The following DUOX2 variants were observed in gnomAD, a reference collection of about 807,000 sequenced individuals.
DUOX2 encodes NADH/NADPH thyroid oxidase p138-tox.
DUOX2 carries 185 observed loss-of-function variants against 183.3 expected under a neutral mutation model. The ratio of observed to expected loss-of-function variants is 1.01; its 90% confidence interval spans 0.90 to 1.14. The LOEUF (loss-of-function observed/expected upper bound fraction) is 1.14. Ranked by LOEUF, DUOX2 falls within the 50% of genes most tolerant of loss-of-function variation. The pLI, the probability that DUOX2 is intolerant of heterozygous loss-of-function variation, is 0.00. For missense variants in DUOX2, 1,999 were observed against 2,022.9 expected (o/e 0.99, Z 0.23); for synonymous variants, 788 against 812.4 (o/e 0.97, Z 0.51).
chr15:45,104,404 A>G (rs774552038), intron 18 of DUOX2, 39 bp from the exon 19 acceptor site: 4 of 1,601,692 alleles, frequency 2.5e-6, no homozygotes, highest in Non-Finnish European at 1.7e-6. Context: ...AAAGAGAAGG[A>G]GGTGAAGCCT....
Position 45,108,789 on chromosome 15 carries a change from C to T in DUOX2, c.1398G>A (p.Gln466=), listed in dbSNP as rs748208532. 2 of 1,614,080 alleles carry T rather than the reference C, an allele frequency of 1.2e-6. No individual in the cohort carries two copies. The highest frequency in any genetic ancestry group is 2.7e-5 in the African/African-American group (2 of 74,926). ...CATTATTATCATTACTATTCCTGAC[C>T]TGGGGGTCCACATTAGGGTTGAGAT... ...WSDLNPNVDP[Q]VLEATAALYN... Residue 466 remains glutamine (Q), a splice_region_variant and synonymous_variant, in exon 12 of 34, where the codon CAG becomes CAA. Transcript: ENST00000389039.
At position 45,101,940 on chromosome 15, in the gene DUOX2, C is replaced by G. The variant is rs138926644; in HGVS notation, c.2704G>C (p.Glu902Gln). The G allele has an allele frequency of 6.2e-7, 1 of 1,614,212 alleles. No individual in the cohort carries two copies. The highest frequency in any genetic ancestry group is 8.5e-7 in the Non-Finnish European group (1 of 1,180,040). The part of the protein sequence containing the change: ...NNCLSKAQLA[E>Q]VVESMFRESG... ...TCCCGGAACATAGACTCCACCACCT[C>G]GGCCAGCTGGGCCTTGGACAGGCAG... is the stretch of plus-strand genomic sequence containing the variant. Residue 902 changes from glutamate (E) to glutamine (Q), a missense_variant, in exon 21 of 34, where the codon GAG becomes CAG. By Grantham distance (29) the Glu-to-Gln change is conservative. This residue lies in a region of DUOX2 where 1,628 missense variants were observed against 1,608.6 expected (regional missense o/e 1.01). Transcript: ENST00000389039.
intron 24 of DUOX2, 44 bp downstream of exon 24, chr15:45,100,006 C>A: frequency 6.2e-7 from 1 of 1,613,924 alleles, no homozygotes; most frequent in South Asian, 1.1e-5. Context: ...CTCCAAGGGT[C>A]AGAGCCTGCT....
intron 13 of DUOX2, among the ~76,000 whole-genome samples, 197 bp downstream of exon 13, chr15:45,107,850 C>CAAAAAAAAA (rs36025213): frequency 8.2e-5 from 4 of 48,844 alleles, no homozygotes; most frequent in African/African-American, 1.6e-4. Flanking sequence ...GACTCTGCCT[C>CAAAAAAAAA]AAAAAAAAAA....
intron 20 of DUOX2, among the ~76,000 whole-genome samples, chr15:45,103,607 A>G (rs1245722562): frequency 1.3e-5 from 2 of 152,208 alleles, no homozygotes; most frequent in Non-Finnish European, 2.9e-5. Context: ...CACTGGGTAG[A>G]GCACGGTGTT....
rs762652567 is a variant in DUOX2, at chr15:45,111,918, C to T, written c.363G>A (p.Thr121=). ...HVLSDVVSVE[T]PGCPAEFLNI... is the part of the protein sequence containing the mutation. ...TGAGGAACTCGGCGGGGCAACCGGG[C>T]GTTTCCACGCTCACCACGTCGGAAA... The change falls in exon 5 of 34, where the codon ACG becomes ACA. Residue 121 remains threonine (T), a synonymous_variant. Transcript: ENST00000389039. 1 of 1,613,716 alleles carries T rather than the reference C, an allele frequency of 6.2e-7. No individual in the cohort carries two copies.
At position 45,092,822 on chromosome 15, in the gene DUOX2, A is replaced by C. The variant is rs1893797896; in HGVS notation, c.*1328T>G. On this transcript the variant is annotated 3_prime_UTR_variant, in exon 34 of 34. Coordinates refer to ENST00000389039, the MANE Select transcript of DUOX2 (RefSeq NM_001363711.2). ...ACACACAACAGCATGGATGAATTAC[A>C]AAGGCATTATGGTGAGTAAAAGAGG... 1 of 152,266 alleles carries C rather than the reference A, an allele frequency of 6.6e-6. No homozygotes were observed. The highest frequency in any genetic ancestry group is 1.5e-5 in the Non-Finnish European group (1 of 68,052). The allele number at this position is 152,266 out of a possible 1,614,324, so 9.4% of individuals were successfully genotyped here. A position where few individuals can be genotyped will look rare whatever the true frequency, so the allele number is the denominator to read the frequency against.
Position 45,111,480 on chromosome 15 carries a change from G to A in DUOX2, c.619C>T (p.Pro207Ser), listed in dbSNP as rs1307171670. Residue 207 changes from proline to serine, a missense_variant, in exon 6 of 34, where the codon CCC becomes TCC. Around this residue, in one of 3 missense-constraint regions of DUOX2, gnomAD observed 356 missense variants for 356.4 expected, o/e 1.00. Coordinates refer to ENST00000389039, the MANE Select transcript of DUOX2 (RefSeq NM_001363711.2). ...GAGTCTCGGGGGAAAGCGGGGTCGG[G>A]CCCCGACGCCAGCTGTCCCCCCGAG... is the stretch of plus-strand genomic sequence containing the variant. Reference protein sequence around the residue: ...SFSGGQLASGPDPAFPRDSQN... With the variant: ...SFSGGQLASGSDPAFPRDSQN... 3.9e-6 allele frequency: 6 copies of A among 1,550,464 alleles called. No individual in the cohort carries two copies. The highest frequency in any genetic ancestry group is 3.9e-5 in the Admixed American group (2 of 51,294).
chr15:45,098,146 C>G, intron 26 of DUOX2, 88 bp from the exon 27 acceptor site: 4 of 1,310,734 alleles, frequency 3.1e-6, no homozygotes, highest in Non-Finnish European at 4.4e-6. Flanking sequence ...TTCCTGCTGG[C>G]CCTGACTGCT....
chr15:45,109,540 C>T lies in DUOX2; in HGVS notation c.1218G>A (p.Val406=), dbSNP rs1566977204. ...TGAGCTCACCCCTCAGATCTTCAAC[C>T]ACTATGTTGTCCTCCAACTCCGAAA... The part of the protein sequence containing the change: ...SQISELEDNI[V]VEDLRDYWPG... Residue 406 remains valine, a synonymous_variant, in exon 11 of 34, where the codon GTG becomes GTA. Coordinates refer to ENST00000389039, the MANE Select transcript of DUOX2 (RefSeq NM_001363711.2). The T allele has an allele frequency of 6.2e-7, 1 of 1,614,112 alleles. No homozygotes were observed. Among genetic ancestry groups the T allele is most frequent in the Non-Finnish European group, 8.5e-7 (1 of 1,180,028 alleles).
Position 45,111,445 on chromosome 15 carries a change from G to C in DUOX2, c.654C>G (p.Pro218=). Residue 218 remains proline, a synonymous_variant, in exon 6 of 34, where the codon CCC becomes CCG. Coordinates refer to ENST00000389039, the MANE Select transcript of DUOX2 (RefSeq NM_001363711.2). ...DPAFPRDSQN[P]LLMWAAPDPA... ...GGTCGGGCGCCGCCCACATGAGCAG[G>C]GGGTTCTGCGAGTCTCGGGGGAAAG... is the stretch of plus-strand genomic sequence containing the variant. 1 of 1,544,096 alleles carries C rather than the reference G, an allele frequency of 6.5e-7. No homozygotes were observed. The highest frequency in any genetic ancestry group is 8.7e-7 in the Non-Finnish European group (1 of 1,147,276).
intron 18 of DUOX2, among the ~76,000 whole-genome samples, chr15:45,105,406 G>A (rs1295356819): frequency 2.0e-5 from 3 of 152,188 alleles, no homozygotes; most frequent in African/African-American, 7.2e-5. Context: ...GCAATGGGAT[G>A]GATACAGTTT....
In DUOX2 at chr15:45,097,227, G is replaced by A. The variant is rs1595519772; in HGVS notation, c.3847+11C>T. Reference sequence around the variant, plus strand: ...TGTCGCTCCCGACCCAGGTCAGGCTGGGCCTGATACCTGAGGGCAGCAGCT... The same window carrying A: ...TGTCGCTCCCGACCCAGGTCAGGCTAGGCCTGATACCTGAGGGCAGCAGCT... On this transcript the variant is annotated intron_variant, in intron 29 of 33. Coordinates refer to ENST00000389039, the MANE Select transcript of DUOX2 (RefSeq NM_001363711.2). 2 of 1,614,118 alleles carry A rather than the reference G, an allele frequency of 1.2e-6. No individual in the cohort carries two copies. The highest frequency in any genetic ancestry group is 4.5e-5 in the East Asian group (2 of 44,884).
intron 1 of DUOX2, 50 bp from the exon 2 acceptor site, chr15:45,113,475 G>A: frequency 6.9e-7 from 1 of 1,451,080 alleles, no homozygotes; most frequent in Admixed American, 2.0e-5. Flanking sequence ...GCCACTGTTA[G>A]GGCGTCCTCT....
rs752691452 is a variant in DUOX2, at chr15:45,112,000, GC to G, written c.326-46del. On this transcript the variant is annotated intron_variant, in intron 4 of 33. Transcript: ENST00000389039. ...ATACGTGACAAACCGTCCGTATTGC[GC>G]CCTCCCCACGGCCAGGGCGGCCTCC... The G allele has an allele frequency of 5.4e-5, 86 of 1,602,274 alleles. 1 individual carries two copies. In the South Asian group the frequency reaches 7.0e-4, roughly 13 times the overall value.
intron 9 of DUOX2, 98 bp from the exon 10 acceptor site, chr15:45,110,078 G>C (rs1221311280): frequency 5.2e-5 from 57 of 1,105,412 alleles, no homozygotes; most frequent in Non-Finnish European, 6.9e-5. Context: ...CACTAGGATT[G>C]AGCAGTGGCC....
At chr15:45,106,473 T>C in intron 16 of DUOX2, 55 bp downstream of exon 16, 1 of 1,600,938 alleles carries the variant, frequency 6.2e-7, no homozygotes, top group Non-Finnish European at 8.6e-7. Flanking sequence ...TCTCCCAGAC[T>C]CCTGTCTCTC....
rs778729877 is a variant in DUOX2 at position 45,109,894 on chromosome 15, C to T, written c.1127G>A (p.Arg376Gln). The part of the protein sequence containing the change: ...ALRVCNNYWI[R>Q]ENPNLNSTQE... ...TGACCCTGACCCCAGTCTGACCTCCCGAATCCAGTAGTTGTTGCAGACCCT... is the reference window on the plus strand; with the variant it reads ...TGACCCTGACCCCAGTCTGACCTCCTGAATCCAGTAGTTGTTGCAGACCCT... The change falls in exon 10 of 34, where the codon CGG becomes CAG. Residue 376 changes from arginine (R) to glutamine (Q), a missense_variant. Arg to Gln is a conservative substitution (Grantham distance 43). Transcript: ENST00000389039. The T allele has an allele frequency of 9.3e-6, 15 of 1,614,036 alleles. No individual in the cohort carries two copies. Among genetic ancestry groups the T allele is most frequent in the African/African-American group, 2.7e-5 (2 of 74,932 alleles).
rs1235110244 is a variant in DUOX2, at chr15:45,108,702, T to C, written c.1398+87A>G. On this transcript the variant is annotated intron_variant, in intron 12 of 33. Transcript: ENST00000389039. ...ATACCTTACAATATTATTATGTAGA[T>C]TAAATGAGTCAACATATGTAAAGGG... The C allele has an allele frequency of 6.6e-6, 9 of 1,374,014 alleles. No individual in the cohort carries two copies. The African/African-American group carries it at 1.1e-4, about 17-fold the overall frequency. 85.1% of individuals were successfully genotyped at this position (1,374,014 alleles called of 1,614,324 possible). A position where few individuals can be genotyped will look rare whatever the true frequency, so the allele number is the denominator to read the frequency against.
Sources: gnomAD v4.1 joint callset for allele counts (sites outside exome capture counted in the v4.1 genomes callset) on GRCh38, gnomAD v4.1.1 for gene constraint, gnomAD v4.1.1 regional missense constraint, MANE v1.5 for transcripts, NCBI Gene and HGNC (gene_info 2026-07-23, HGNC 2026-07-21) for gene names.